The following RASSF8 variants were observed in gnomAD, a reference collection of about 807,000 sequenced individuals.
RASSF8 encodes Ras association domain family member 8, also known as ras association domain-containing protein 8.
Under a neutral mutation model 48.5 loss-of-function variants are expected in RASSF8, and 22 were observed. That is an observed-to-expected ratio of 0.45 (90% CI 0.32 to 0.65). RASSF8 has a LOEUF of 0.65. RASSF8 is among the 30% of genes least tolerant of loss of function. The probability of loss-of-function intolerance (pLI) is 0.03; values close to 1 mark genes in which losing one functional copy is unlikely to be tolerated. For missense variants in RASSF8, 418 were observed against 489.2 expected, an observed-to-expected ratio of 0.85 and a Z score of 1.37; for synonymous variants, 127 against 171.5, an observed-to-expected ratio of 0.74 and a Z score of 2.03.
intron 2 of RASSF8, among the ~76,000 whole-genome samples, chr12:26,032,038 A>G (rs866923016): frequency 2.0e-5 from 3 of 152,324 alleles, no homozygotes; most frequent in Non-Finnish European, 2.9e-5. Context: ...TCCCAGAAGT[A>G]GTGACTTAGG....
At chr12:26,020,419 A>G (rs1407455215) in intron 2 of RASSF8, 1 of 152,226 alleles carries the variant, frequency 6.6e-6, no homozygotes, top group Non-Finnish European at 1.5e-5. Flanking sequence ...TTGCTACTGC[A>G]TCTCCAGGAA....
At chr12:26,013,084 A>T (rs1384380075) in intron 2 of RASSF8, among the ~76,000 whole-genome samples, 7 of 151,952 alleles carry the variant, frequency 4.6e-5, no homozygotes, top group Non-Finnish European at 1.0e-4. Flanking sequence ...GGAGCTAAAA[A>T]CTGATCAGGT....
intron 2 of RASSF8, among the ~76,000 whole-genome samples, chr12:26,035,197 A>G (rs1339857377): frequency 3.3e-5 from 5 of 152,010 alleles, no homozygotes; most frequent in East Asian, 3.9e-4. Context: ...TTGTATGATA[A>G]GTTGTAGGGT....
At chr12:26,062,258 G>A (rs1438935306) in intron 3 of RASSF8, among the ~76,000 whole-genome samples, 1 of 152,188 alleles carries the variant, frequency 6.6e-6, no homozygotes, top group African/African-American at 2.4e-5. Flanking sequence ...CATTGCAGAT[G>A]TGTCATGTGG....
chr12:26,025,994 C>G (rs185294818), intron 2 of RASSF8, among the ~76,000 whole-genome samples: 42 of 152,126 alleles, frequency 2.8e-4, no homozygotes, highest in Admixed American at 2.6e-3. Flanking sequence ...TTAAGTAGAT[C>G]AAAGACTTAA....
At chr12:26,017,755 C>T (rs1942686181) in intron 2 of RASSF8, among the ~76,000 whole-genome samples, 1 of 152,218 alleles carries the variant, frequency 6.6e-6, no homozygotes, top group Non-Finnish European at 1.5e-5. Context: ...CAGGAGGACC[C>T]CAGAAAGCAA....
chr12:25,962,693 G>C (rs1941264836), intron 1 of RASSF8, among the ~76,000 whole-genome samples: 1 of 152,022 alleles, frequency 6.6e-6, no homozygotes, highest in South Asian at 2.1e-4. Flanking sequence ...TGAGTAGCTG[G>C]GACTACAGGT....
Position 26,055,392 on chromosome 12 carries a change from G to A in RASSF8, c.49G>A (p.Val17Ile), listed in dbSNP as rs768152190. 8 of 1,614,154 alleles carry A rather than the reference G, an allele frequency of 5.0e-6. No individual in the cohort carries two copies. Among genetic ancestry groups the A allele is most frequent in the Middle Eastern group, 3.3e-4 (2 of 6,060 alleles). Residue 17 changes from valine to isoleucine, a missense_variant, in exon 3 of 6, where the codon GTC (valine) becomes ATC (isoleucine). Transcript: ENST00000689635. ...VDGVQRIVCG[V>I]TEVTTCQEVV... is the part of the protein sequence containing the mutation. ...TGGAGTTCAGAGGATTGTTTGTGGAGTCACTGAAGTCACAACTTGCCAGGA... is the reference window on the plus strand; with the variant it reads ...TGGAGTTCAGAGGATTGTTTGTGGAATCACTGAAGTCACAACTTGCCAGGA...
intron 1 of RASSF8, among the ~76,000 whole-genome samples, chr12:25,984,244 T>G (rs7965645): frequency 7.6e-6 from 1 of 130,874 alleles, no homozygotes; most frequent in Non-Finnish European, 1.6e-5. Flanking sequence ...TTTTTTTTTT[T>G]TTTTTTAGTT....
intron 2 of RASSF8, among the ~76,000 whole-genome samples, chr12:25,998,908 A>G (rs966007936): frequency 2.0e-5 from 3 of 152,200 alleles, no homozygotes; most frequent in Admixed American, 1.3e-4. Flanking sequence ...GGAAAATAAC[A>G]TCACTCCTCT....
chr12:26,048,998 T>C (rs1943434091), intron 2 of RASSF8, among the ~76,000 whole-genome samples: 1 of 152,202 alleles, frequency 6.6e-6, no homozygotes, highest in South Asian at 2.1e-4. Context: ...CCTCAGGTGA[T>C]CCGCCTACCT....
Position 25,986,747 on chromosome 12 carries a change from C to T in RASSF8, c.-202-8290C>T, listed in dbSNP as rs1941885442. Among the ~76,000 whole-genome samples the T allele has an allele frequency of 2.6e-5, 4 of 152,032 alleles. No individual in the cohort carries two copies. The South Asian group carries it at 8.3e-4, about 32-fold the overall frequency. On this transcript the variant is annotated intron_variant, in intron 1 of 5. Transcript: ENST00000689635. ...CCAGTGGCCATTGGCTTCTCATAAC[C>T]CTGACAAGGCTCCTAGTTACTTACT...
rs1943841376 is a variant in RASSF8 at position 26,065,159 on chromosome 12, A to C, written c.765A>C (p.Glu255Asp). Residue 255 changes from glutamate to aspartate, a missense_variant, in exon 4 of 6, where the codon GAA (glutamate) becomes GAC (aspartate). By Grantham distance (45) the Glu-to-Asp change is conservative. Transcript: ENST00000689635. The stretch of plus-strand genomic sequence containing the variant: ...TAAGACAGAAAATAACAGAATGTGA[A>C]AACAAATTAAAGGACTATTTGGCAC... ...QEIRQKITECENKLKDYLAQI... is the reference protein window; with the variant it reads ...QEIRQKITECDNKLKDYLAQI... 8 of 1,613,998 alleles carry C rather than the reference A, an allele frequency of 5.0e-6. No homozygotes were observed. Among genetic ancestry groups the C allele is most frequent in the Non-Finnish European group, 6.8e-6 (8 of 1,179,962 alleles).
In RASSF8 at chr12:26,069,616, A is replaced by G. The variant is rs894375093; in HGVS notation, c.*798A>G. ...CAGGCATGGGGTTTCCTGATACATT[A>G]TGTGTTTTGTTTCTGCCCTGTCTTA... On this transcript the variant is annotated 3_prime_UTR_variant, in exon 6 of 6. Transcript: ENST00000689635. 11 of 985,402 alleles carry G rather than the reference A, an allele frequency of 1.1e-5. No individual in the cohort carries two copies. Among genetic ancestry groups the G allele is most frequent in the Non-Finnish European group, 7.2e-6 (6 of 829,916 alleles). The allele number at this position is 985,402 out of a possible 1,614,324, so 61.0% of individuals were successfully genotyped here. A position where few individuals can be genotyped will look rare whatever the true frequency, so the allele number is the denominator to read the frequency against.
intron 1 of RASSF8, among the ~76,000 whole-genome samples, chr12:25,974,250 A>T (rs537723527): frequency 2.0e-5 from 3 of 152,004 alleles, no homozygotes; most frequent in Non-Finnish European, 2.9e-5. Flanking sequence ...CAAGCGGAGG[A>T]GGTGAAAGAA....
At chr12:26,027,601 A>G (rs1030128237) in intron 2 of RASSF8, among the ~76,000 whole-genome samples, 2 of 152,194 alleles carry the variant, frequency 1.3e-5, no homozygotes, top group Non-Finnish European at 2.9e-5. Flanking sequence ...ACCAGTCTCA[A>G]CTGTGCTAAG....
At chr12:25,959,968 G>A (rs988739057) in intron 1 of RASSF8, among the ~76,000 whole-genome samples, 1 of 152,028 alleles carries the variant, frequency 6.6e-6, no homozygotes, top group South Asian at 2.1e-4. Flanking sequence ...ATTTAGAAGC[G>A]AAATGAATGC....
chr12:26,018,488 A>G (rs1298513533), intron 2 of RASSF8, among the ~76,000 whole-genome samples: 2 of 152,222 alleles, frequency 1.3e-5, no homozygotes, highest in Non-Finnish European at 2.9e-5. Context: ...TTTTTATAAA[A>G]CCAAATGTGG....
At position 25,997,692 on chromosome 12, in the gene RASSF8, C is replaced by A. The variant is rs144831354; in HGVS notation, c.-109+2562C>A. On this transcript the variant is annotated intron_variant, in intron 2 of 5. Transcript: ENST00000689635. Reference sequence around the variant, plus strand: ...CTTGGTAGGAGGGGGGTGACATTTTCTGTAATTTAAGTTGTCATAGTAACC... The same window carrying A: ...CTTGGTAGGAGGGGGGTGACATTTTATGTAATTTAAGTTGTCATAGTAACC... Among the ~76,000 whole-genome samples the A allele has an allele frequency of 8.7e-3, 1,319 of 152,178 alleles. 22 individuals are homozygous for A. The highest frequency in any genetic ancestry group is 0.031 in the African/African-American group (1,269 of 41,532).
Sources: allele counts gnomAD v4.1 joint callset (sites outside exome capture counted in the v4.1 genomes callset), GRCh38; gene constraint gnomAD v4.1.1; transcripts MANE v1.5; gene names NCBI Gene and HGNC (gene_info 2026-07-23, HGNC 2026-07-21).